Variants in CMTM8 observed in about 807,000 individuals in gnomAD.
The protein encoded by CMTM8 is CKLF-like MARVEL transmembrane domain-containing protein 8.
CMTM8 carries 12 observed loss-of-function variants against 18.6 expected under a neutral mutation model. The observed-to-expected ratio is 0.65, with a 90% CI of 0.41 to 1.05. The LOEUF (loss-of-function observed/expected upper bound fraction) is 1.05, where lower values mean the gene tolerates loss of function less well. Among genes scored for constraint, CMTM8 ranks in the 50% least tolerant of loss-of-function variants. CMTM8 has a pLI of 0.00. For synonymous variants in CMTM8, 87 were observed against 90.6 expected (o/e 0.96, Z 0.23); for missense variants, 217 against 227.2 (o/e 0.95, Z 0.29).
chr3:32,340,689 A>C (rs530131337), intron 1 of CMTM8, among the ~76,000 whole-genome samples: 1 of 152,390 alleles, frequency 6.6e-6, no homozygotes, highest in African/African-American at 2.4e-5. Flanking sequence ...GAAAACAGCC[A>C]TAGATAATAC....
chr3:32,356,859 A>G (rs1247533259), intron 1 of CMTM8, among the ~76,000 whole-genome samples: 1 of 152,226 alleles, frequency 6.6e-6, no homozygotes, highest in Non-Finnish European at 1.5e-5. Flanking sequence ...ATTATTATGT[A>G]CAAGCTTGAG....
At chr3:32,268,050 T>G (rs964652728) in intron 1 of CMTM8, among the ~76,000 whole-genome samples, 1 of 152,186 alleles carries the variant, frequency 6.6e-6, no homozygotes, top group African/African-American at 2.4e-5. Context: ...TCCTCAAGGA[T>G]CTAGAACTAG....
chr3:32,286,243 T>C (rs1702684022), intron 1 of CMTM8, among the ~76,000 whole-genome samples: 1 of 152,190 alleles, frequency 6.6e-6, no homozygotes, highest in Non-Finnish European at 1.5e-5. Flanking sequence ...CAACTTAAAA[T>C]CTTTTAAATT....
At chr3:32,327,801 C>T (rs941012979) in intron 1 of CMTM8, among the ~76,000 whole-genome samples, 5 of 152,222 alleles carry the variant, frequency 3.3e-5, no homozygotes, top group Non-Finnish European at 7.3e-5. Context: ...CCACCTTCTC[C>T]ATGCAGATTC....
chr3:32,239,205 T>A (rs1701912842), intron 1 of CMTM8, 86 bp downstream of exon 1: 1 of 1,440,792 alleles, frequency 6.9e-7, no homozygotes, highest in Admixed American at 2.3e-5. Context: ...TGGAGCCTGC[T>A]CAGATCTTCC....
chr3:32,259,864 C>A, intron 1 of CMTM8: 1 of 850,342 alleles, frequency 1.2e-6, no homozygotes, highest in Non-Finnish European at 2.0e-6. Flanking sequence ...TGGAGATTGA[C>A]CTGGACTCCA....
rs774606895 is a variant in CMTM8 at position 32,369,894 on chromosome 3, T to G, written c.449T>G (p.Phe150Cys). 3 of 1,608,962 alleles carry G rather than the reference T, an allele frequency of 1.9e-6. No homozygotes were observed. The East Asian group carries it at 6.7e-5, about 36-fold the overall frequency. Residue 150 changes from phenylalanine (F) to cysteine (C), a missense_variant, in exon 4 of 4, where the codon TTC becomes TGC. By Grantham distance (205) the Phe-to-Cys change is radical. Transcript: ENST00000307526. ...NSWAASSFFA[F>C]LVTICYAGNT... ...CTTTGTTTTCTCCAGTTCTTTGCCT[T>G]CCTGGTCACCATCTGCTACGCTGGA...
intron 1 of CMTM8, among the ~76,000 whole-genome samples, chr3:32,256,173 A>G (rs1319435779): frequency 1.3e-5 from 2 of 152,098 alleles, no homozygotes; most frequent in Non-Finnish European, 2.9e-5. Context: ...AACATGGCTC[A>G]ATGCAGCCTC....
chr3:32,316,141 C>T (rs1406293715), intron 1 of CMTM8, among the ~76,000 whole-genome samples: 18 of 150,564 alleles, frequency 1.2e-4, no homozygotes, highest in Non-Finnish European at 7.4e-5. Context: ...AATTCTCCTG[C>T]CTCAGCCTCC....
chr3:32,284,018 G>A (rs748475816), intron 1 of CMTM8, among the ~76,000 whole-genome samples: 4 of 152,192 alleles, frequency 2.6e-5, no homozygotes, highest in Non-Finnish European at 5.9e-5. Flanking sequence ...TGGGGGAGCC[G>A]AGGTGGGCGG....
At chr3:32,317,173 C>A (rs891859067) in intron 1 of CMTM8, among the ~76,000 whole-genome samples, 1 of 152,068 alleles carries the variant, frequency 6.6e-6, no homozygotes, top group Non-Finnish European at 1.5e-5. Context: ...CACAGTTGGT[C>A]GTAGGATTGA....
chr3:32,317,601 C>T (rs1045830218), intron 1 of CMTM8, among the ~76,000 whole-genome samples: 1 of 152,140 alleles, frequency 6.6e-6, no homozygotes, highest in African/African-American at 2.4e-5. Flanking sequence ...TAAACTTACC[C>T]TAAGGTGAAC....
intron 1 of CMTM8, among the ~76,000 whole-genome samples, chr3:32,294,123 T>C (rs1702831510): frequency 6.6e-6 from 1 of 152,186 alleles, no homozygotes; most frequent in African/African-American, 2.4e-5. Context: ...AACGTTTGAA[T>C]TCTTGCCTAT....
intron 1 of CMTM8, among the ~76,000 whole-genome samples, chr3:32,291,034 C>T (rs781325054): frequency 7.2e-5 from 11 of 152,120 alleles, no homozygotes; most frequent in African/African-American, 2.4e-4. Context: ...AGGCGTGAAC[C>T]GCTGTGCCTG....
At chr3:32,275,257 T>C (rs1330799769) in intron 1 of CMTM8, among the ~76,000 whole-genome samples, 1 of 151,998 alleles carries the variant, frequency 6.6e-6, no homozygotes, top group Non-Finnish European at 1.5e-5. Context: ...TCAAGCAGTC[T>C]ACCCATCTTG....
intron 1 of CMTM8, among the ~76,000 whole-genome samples, chr3:32,311,936 G>A (rs1206699453): frequency 6.6e-6 from 1 of 152,212 alleles, no homozygotes; most frequent in Admixed American, 6.5e-5. Flanking sequence ...GAAGCACTGG[G>A]AAGTCCTCTG....
At chr3:32,305,603 T>G (rs1038348946) in intron 1 of CMTM8, among the ~76,000 whole-genome samples, 14 of 152,314 alleles carry the variant, frequency 9.2e-5, no homozygotes, top group African/African-American at 2.6e-4. Context: ...CGAGCCTTAA[T>G]GATCTGAGAG....
At chr3:32,314,895 T>C (rs1322704097) in intron 1 of CMTM8, among the ~76,000 whole-genome samples, 1 of 142,290 alleles carries the variant, frequency 7.0e-6, no homozygotes, top group African/African-American at 2.6e-5. Flanking sequence ...GATGGAGATA[T>C]TGATAGCCTT....
chr3:32,296,854 T>C (rs1559372792), intron 1 of CMTM8, among the ~76,000 whole-genome samples: 1 of 152,026 alleles, frequency 6.6e-6, no homozygotes, highest in Non-Finnish European at 1.5e-5. Flanking sequence ...GGCGGCAGAC[T>C]GTGTGTTATT....
Sources: gnomAD v4.1 joint callset for allele counts (sites outside exome capture counted in the v4.1 genomes callset) on GRCh38, gnomAD v4.1.1 for gene constraint, MANE v1.5 for transcripts, NCBI Gene and HGNC (gene_info 2026-07-23, HGNC 2026-07-21) for gene names.